The following RPA3 variants were observed in gnomAD, a reference collection of about 807,000 sequenced individuals.
RPA3 encodes replication protein A 14 kDa subunit.
Under a neutral mutation model 13.7 loss-of-function variants are expected in RPA3, and 24 were observed. The ratio of observed to expected loss-of-function variants is 1.75; its 90% confidence interval spans 1.27 to 2.46. The LOEUF (loss-of-function observed/expected upper bound fraction) is 2.46, where lower values mean the gene tolerates loss of function less well. Among genes scored for constraint, RPA3 ranks in the 30% most tolerant of loss-of-function variants. The pLI is 0.00. For synonymous variants in RPA3, 59 were observed against 51.2 expected, an observed-to-expected ratio of 1.15 and a Z score of -0.65; for missense variants, 183 against 151.0, an observed-to-expected ratio of 1.21 and a Z score of -1.11.
At chr7:7,641,906 T>G (rs1444117549) in intron 4 of RPA3, among the ~76,000 whole-genome samples, 1 of 152,222 alleles carries the variant, frequency 6.6e-6, no homozygotes, top group Non-Finnish European at 1.5e-5. Context: ...TAGTGTTTCC[T>G]TAGCACTTAA....
intron 2 of RPA3, among the ~76,000 whole-genome samples, chr7:7,711,042 T>C (rs1011858706): frequency 6.6e-6 from 1 of 151,932 alleles, no homozygotes; most frequent in African/African-American, 2.4e-5. Context: ...AAGGATGGGG[T>C]GAAAGTTAGA....
At chr7:7,683,703 A>G (rs982081711) in intron 4 of RPA3, among the ~76,000 whole-genome samples, 6 of 151,736 alleles carry the variant, frequency 4.0e-5, no homozygotes, top group African/African-American at 7.3e-5. Flanking sequence ...GTTCACTGCA[A>G]TCTCCGCCTC....
At chr7:7,674,109 T>C (rs1327872412) in intron 4 of RPA3, among the ~76,000 whole-genome samples, 2 of 152,178 alleles carry the variant, frequency 1.3e-5, no homozygotes, top group African/African-American at 4.8e-5. Flanking sequence ...TTCCAAAGTA[T>C]GGTGTGGGGT....
chr7:7,670,134 G>C (rs568101661), intron 4 of RPA3, among the ~76,000 whole-genome samples: 1 of 152,144 alleles, frequency 6.6e-6, no homozygotes, highest in Admixed American at 6.5e-5. Context: ...AAAACAGGTT[G>C]TTTGTTTTCT....
rs928486460 is a variant in RPA3 at position 7,640,575 on chromosome 7, G to A, written c.-157C>T. 4.5e-6 allele frequency: 3 copies of A among 670,430 alleles called. No individual in the cohort carries two copies. Among genetic ancestry groups the A allele is most frequent in the East Asian group, 2.8e-5 (1 of 36,354 alleles). The allele number at this position is 670,430 out of a possible 1,614,324, so 41.5% of individuals were successfully genotyped here. A position where few individuals can be genotyped will look rare whatever the true frequency, so the allele number is the denominator to read the frequency against. ...GCGCGGAAACCTAAATCGCAATCGC[G>A]CTGTCTCTGAAAGGGGTGGAGAAGG... On this transcript the variant is annotated 5_prime_UTR_variant, in exon 5 of 8. Transcript: ENST00000223129.
At chr7:7,663,182 TA>T (rs35538283) in intron 4 of RPA3, among the ~76,000 whole-genome samples, 5 of 144,414 alleles carry the variant, frequency 3.5e-5, no homozygotes, top group African/African-American at 5.1e-5. Flanking sequence ...TTCATTCCAT[TA>T]AAAAAAAAAA....
At chr7:7,645,137 T>C (rs1785064995) in intron 4 of RPA3, among the ~76,000 whole-genome samples, 1 of 151,892 alleles carries the variant, frequency 6.6e-6, no homozygotes, top group African/African-American at 2.4e-5. Flanking sequence ...TTTCTATCAG[T>C]TTTTTTTGGA....
At chr7:7,664,655 C>G (rs1307023652) in intron 4 of RPA3, among the ~76,000 whole-genome samples, 1 of 152,184 alleles carries the variant, frequency 6.6e-6, no homozygotes, top group Non-Finnish European at 1.5e-5. Context: ...TTATACACAT[C>G]AGATGAAGTT....
chr7:7,687,153 C>A (rs955268025), intron 3 of RPA3, 75 bp downstream of exon 3: 1 of 152,290 alleles, frequency 6.6e-6, no homozygotes. Context: ...AGGTACTGAA[C>A]TGGAAATAAT....
At chr7:7,712,578 C>T (rs1345052904) in intron 2 of RPA3, among the ~76,000 whole-genome samples, 2 of 152,132 alleles carry the variant, frequency 1.3e-5, no homozygotes, top group African/African-American at 2.4e-5. Context: ...CATAATTCAT[C>T]TTTAGATTCT....
intron 4 of RPA3, among the ~76,000 whole-genome samples, chr7:7,646,809 T>G (rs573106408): frequency 6.6e-6 from 1 of 152,120 alleles, no homozygotes; most frequent in African/African-American, 2.4e-5. Flanking sequence ...TCTCCTCTGC[T>G]GCACCATTCT....
chr7:7,654,512 T>C (rs1421939975), intron 4 of RPA3, among the ~76,000 whole-genome samples: 2 of 152,240 alleles, frequency 1.3e-5, no homozygotes, highest in Non-Finnish European at 2.9e-5. Flanking sequence ...GTGCCTTTTA[T>C]TAAATGGTAT....
chr7:7,654,629 G>A (rs768147667), intron 4 of RPA3, among the ~76,000 whole-genome samples: 6 of 152,130 alleles, frequency 3.9e-5, no homozygotes, highest in Non-Finnish European at 7.4e-5. Context: ...TGGGCTGGGT[G>A]CGGTGGCTCA....
intron 2 of RPA3, among the ~76,000 whole-genome samples, chr7:7,696,708 T>C (rs1780327454): frequency 6.6e-6 from 1 of 152,208 alleles, no homozygotes; most frequent in South Asian, 2.1e-4. Context: ...TTTCTGCCTC[T>C]AGAACTGCTC....
At chr7:7,691,123 G>C (rs1263614806) in intron 2 of RPA3, among the ~76,000 whole-genome samples, 1 of 151,906 alleles carries the variant, frequency 6.6e-6, no homozygotes, top group African/African-American at 2.4e-5. Context: ...GAATAATGGT[G>C]GTCTTTTCAC....
At chr7:7,662,939 G>A (rs1468246638) in intron 4 of RPA3, among the ~76,000 whole-genome samples, 2 of 152,090 alleles carry the variant, frequency 1.3e-5, no homozygotes, top group East Asian at 1.9e-4. Context: ...TCAATGGAAA[G>A]TTTTAGATGT....
intron 4 of RPA3, among the ~76,000 whole-genome samples, chr7:7,655,052 C>G (rs1785309297): frequency 6.6e-6 from 1 of 152,116 alleles, no homozygotes; most frequent in Non-Finnish European, 1.5e-5. Flanking sequence ...TTATGTAATG[C>G]TTGCTATGCT....
At chr7:7,651,042 G>A (rs1342632892) in intron 4 of RPA3, among the ~76,000 whole-genome samples, 1 of 152,122 alleles carries the variant, frequency 6.6e-6, no homozygotes, top group African/African-American at 2.4e-5. Context: ...CAACCCCTCT[G>A]TAGCCAAAGA....
intron 4 of RPA3, among the ~76,000 whole-genome samples, chr7:7,648,743 CT>C (rs1268348567): frequency 7.2e-5 from 11 of 152,030 alleles, no homozygotes; most frequent in Admixed American, 2.6e-4. Context: ...GTCCTAGCTA[CT>C]TGGGAGGCTG....
Sources: allele counts gnomAD v4.1 joint callset (sites outside exome capture counted in the v4.1 genomes callset), GRCh38; gene constraint gnomAD v4.1.1; transcripts MANE v1.5; gene names NCBI Gene and HGNC (gene_info 2026-07-23, HGNC 2026-07-21).